PSD3: variants seen among roughly 807,000 people sequenced by gnomAD.
PSD3 encodes the protein pleckstrin and Sec7 domain containing 3.
A neutral mutation model predicts 105.5 loss-of-function variants in PSD3; 49 were observed. The ratio of observed to expected loss-of-function variants is 0.46; its 90% confidence interval spans 0.37 to 0.59. The LOEUF (loss-of-function observed/expected upper bound fraction) is 0.59. PSD3 is among the 20% of genes least tolerant of loss of function. The pLI is 0.00. For synonymous variants in PSD3, 557 were observed against 457.8 expected (o/e 1.22, Z -2.77); for missense variants, 1,561 against 1,263.8 (o/e 1.24, Z -3.57).
chr8:18,903,502 C>G (rs76607122), intron 2 of PSD3, among the ~76,000 whole-genome samples: 427 of 152,274 alleles, frequency 2.8e-3, no homozygotes, highest in African/African-American at 9.8e-3. Flanking sequence ...CCCAACAGCT[C>G]AGACTCTAGG....
chr8:18,579,352 C>A lies in PSD3; in HGVS notation c.2482-4067G>T, dbSNP rs186520018. Among the ~76,000 whole-genome samples the A allele has an allele frequency of 1.5e-3, 224 of 152,182 alleles. 2 individuals are homozygous for A. Among genetic ancestry groups the A allele is most frequent in the African/African-American group, 5.2e-3 (214 of 41,530 alleles). On this transcript the variant is annotated intron_variant, in intron 12 of 15. Coordinates refer to ENST00000327040, the MANE Select transcript of PSD3 (RefSeq NM_015310.4). ...TTTGCTGTGCAAACTAAATGTGAAA[C>A]AGTGAGCAAGATAAATCCAATCAAG...
intron 12 of PSD3, among the ~76,000 whole-genome samples, chr8:18,591,822 T>C (rs1023842337): frequency 3.9e-5 from 6 of 152,148 alleles, no homozygotes; most frequent in African/African-American, 1.4e-4. Flanking sequence ...GGTAGCTTCC[T>C]GCTCTAAAAT....
chr8:18,673,088 T>C (rs1799874411), intron 9 of PSD3, among the ~76,000 whole-genome samples: 1 of 152,154 alleles, frequency 6.6e-6, no homozygotes, highest in Non-Finnish European at 1.5e-5. Flanking sequence ...TGCTCAAAAG[T>C]CACCTCTTTC....
chr8:18,611,484 C>G (rs779522314), intron 11 of PSD3, among the ~76,000 whole-genome samples: 53 of 152,216 alleles, frequency 3.5e-4, no homozygotes, highest in Non-Finnish European at 6.5e-4. Context: ...CTGGCTTCAC[C>G]TGAGTGACCT....
intron 1 of PSD3, among the ~76,000 whole-genome samples, chr8:19,046,245 G>A (rs1244255320): frequency 1.3e-5 from 2 of 152,052 alleles, no homozygotes; most frequent in Admixed American, 6.6e-5. Context: ...CAGAGTAGCT[G>A]GGACTACAGG....
intron 2 of PSD3, among the ~76,000 whole-genome samples, chr8:18,931,724 T>C (rs1821762029): frequency 6.6e-6 from 1 of 152,184 alleles, no homozygotes; most frequent in Non-Finnish European, 1.5e-5. Flanking sequence ...TCCTCCTTCC[T>C]CCGTTAGTCA....
At chr8:18,563,380 T>G (rs539883847) in intron 14 of PSD3, among the ~76,000 whole-genome samples, 1 of 152,294 alleles carries the variant, frequency 6.6e-6, no homozygotes, top group East Asian at 1.9e-4. Context: ...GGGGAGGGCT[T>G]AGACTGTTTC....
At chr8:18,775,092 T>C (rs1223943839) in intron 8 of PSD3, among the ~76,000 whole-genome samples, 1 of 152,118 alleles carries the variant, frequency 6.6e-6, no homozygotes, top group Non-Finnish European at 1.5e-5. Context: ...CCCCCCAAGT[T>C]TGAGAAAGAA....
At chr8:18,949,028 T>C (rs2129469918) in intron 1 of PSD3, among the ~76,000 whole-genome samples, 1 of 150,662 alleles carries the variant, frequency 6.6e-6, no homozygotes, top group East Asian at 2.0e-4. Context: ...GATAAGAATA[T>C]AGTTATACAC....
At chr8:18,543,574 C>T (rs577835449) in intron 15 of PSD3, among the ~76,000 whole-genome samples, 10 of 151,664 alleles carry the variant, frequency 6.6e-5, no homozygotes, top group South Asian at 2.1e-4. Flanking sequence ...GCTTAGATCA[C>T]GCCACTGCAC....
At chr8:18,809,594 T>C (rs1745182899) in intron 4 of PSD3, among the ~76,000 whole-genome samples, 2 of 152,204 alleles carry the variant, frequency 1.3e-5, no homozygotes, top group African/African-American at 2.4e-5. Context: ...ATATTATTCA[T>C]CGTTTTTCTG....
intron 2 of PSD3, among the ~76,000 whole-genome samples, chr8:18,912,722 G>GTT (rs1205085808): frequency 6.6e-6 from 1 of 152,180 alleles, no homozygotes; most frequent in East Asian, 1.9e-4. Flanking sequence ...GCAACCTGAT[G>GTT]TTGAAGTTCA....
At chr8:18,667,289 C>CTTA (rs1435941519) in intron 9 of PSD3, among the ~76,000 whole-genome samples, 1 of 152,142 alleles carries the variant, frequency 6.6e-6, no homozygotes, top group Non-Finnish European at 1.5e-5. Context: ...CTGAGCTAGA[C>CTTA]ACAAAACTTC....
chr8:18,611,206 T>A (rs1585382143), intron 11 of PSD3, among the ~76,000 whole-genome samples: 2 of 150,544 alleles, frequency 1.3e-5, no homozygotes, highest in African/African-American at 4.9e-5. Context: ...GATTTAGAGG[T>A]TAGAGAACAC....
intron 2 of PSD3, among the ~76,000 whole-genome samples, chr8:18,926,354 A>G (rs1475923722): frequency 6.6e-6 from 1 of 151,526 alleles, no homozygotes; most frequent in Non-Finnish European, 1.5e-5. Context: ...TATAAAACAA[A>G]TGAATTTCAT....
intron 11 of PSD3, among the ~76,000 whole-genome samples, chr8:18,603,091 G>C (rs1189284887): frequency 6.6e-6 from 1 of 152,138 alleles, no homozygotes; most frequent in Non-Finnish European, 1.5e-5. Context: ...TTAATATCCA[G>C]GTATCTTCCG....
At chr8:18,895,631 C>G (rs944164632) in intron 2 of PSD3, among the ~76,000 whole-genome samples, 2 of 152,182 alleles carry the variant, frequency 1.3e-5, no homozygotes, top group African/African-American at 2.4e-5. Flanking sequence ...GACAAAAGCA[C>G]AAAAGAAACC....
At chr8:18,542,444 G>C (rs1473377132) in intron 15 of PSD3, among the ~76,000 whole-genome samples, 3 of 152,096 alleles carry the variant, frequency 2.0e-5, no homozygotes, top group Non-Finnish European at 4.4e-5. Flanking sequence ...TCTGCTGTTG[G>C]TACTAAACAA....
chr8:18,965,782 A>G (rs1257744849), intron 1 of PSD3, among the ~76,000 whole-genome samples: 1 of 152,234 alleles, frequency 6.6e-6, no homozygotes, highest in East Asian at 1.9e-4. Flanking sequence ...TTTCACACCC[A>G]TGAGATGGAT....
Sources: gnomAD v4.1 joint callset for allele counts (sites outside exome capture counted in the v4.1 genomes callset) on GRCh38, gnomAD v4.1.1 for gene constraint, MANE v1.5 for transcripts, NCBI Gene and HGNC (gene_info 2026-07-23, HGNC 2026-07-21) for gene names.